The following BABAM2 variants were observed in gnomAD, a reference collection of about 807,000 sequenced individuals.
The protein encoded by BABAM2 is BRISC and BRCA1 A complex member 2.
Under a neutral mutation model 54.7 loss-of-function variants are expected in BABAM2, and 31 were observed. The observed-to-expected ratio is 0.57, with a 90% CI of 0.43 to 0.77. The LOEUF (loss-of-function observed/expected upper bound fraction) is 0.77, where lower values mean the gene tolerates loss of function less well. BABAM2 is among the 30% of genes least tolerant of loss of function. BABAM2 has a pLI of 0.00. For synonymous variants in BABAM2, 167 were observed against 162.9 expected (o/e 1.03, Z -0.19); for missense variants, 364 against 455.8 (o/e 0.80, Z 1.83).
chr2:28,170,790 T>A (rs894881579), intron 7 of BABAM2, among the ~76,000 whole-genome samples: 1 of 152,178 alleles, frequency 6.6e-6, no homozygotes, highest in Non-Finnish European at 1.5e-5. Context: ...GAAGCTAGAA[T>A]GGAAAAGAAT....
chr2:27,986,234 G>A (rs1672388786), intron 3 of BABAM2, among the ~76,000 whole-genome samples: 1 of 152,148 alleles, frequency 6.6e-6, no homozygotes, highest in African/African-American at 2.4e-5. Context: ...AGCACATTAA[G>A]AATATTTACT....
In BABAM2 at chr2:27,992,298, C is replaced by T. The variant is rs114110146; in HGVS notation, c.300+4211C>T. On this transcript the variant is annotated intron_variant, in intron 4 of 11. Coordinates refer to ENST00000379624, the MANE Select transcript of BABAM2 (RefSeq NM_199191.3). ...AAAATAAACAAAAGACAAAGAGTCA[C>T]ATCCATTAGTATTTATTGCTTGTAT... 6.4e-3 allele frequency among the ~76,000 whole-genome samples: 968 copies of T among 152,266 alleles called. 6 individuals are homozygous for T. Among genetic ancestry groups the T allele is most frequent in the Non-Finnish European group, 7.9e-3 (534 of 68,020 alleles).
chr2:28,322,643 CA>C lies in BABAM2; in HGVS notation c.1089-15805del, dbSNP rs1690116455. Among the ~76,000 whole-genome samples the C allele has an allele frequency of 2.0e-5, 3 of 152,214 alleles. No individual in the cohort carries two copies. Among genetic ancestry groups the C allele is most frequent in the Admixed American group, 6.5e-5 (1 of 15,294 alleles). On this transcript the variant is annotated intron_variant, in intron 11 of 11. Coordinates refer to ENST00000379624, the MANE Select transcript of BABAM2 (RefSeq NM_199191.3). The surrounding 1 kb of genome is among the most constrained non-coding windows in gnomAD (Gnocchi z 4.1). ...GTGTTGTGGAGCTTCAGAGGCAGGA[CA>C]AGCAGTCATGGGCTGTGGTTGGCGG...
chr2:28,295,876 G>A (rs1687651079), intron 10 of BABAM2, among the ~76,000 whole-genome samples: 2 of 152,138 alleles, frequency 1.3e-5, no homozygotes, highest in African/African-American at 2.4e-5. Context: ...GGGAGGCCAA[G>A]GTGGGTGGAT....
chr2:27,933,773 T>TG (rs1371730889), intron 3 of BABAM2, among the ~76,000 whole-genome samples: 1 of 147,466 alleles, frequency 6.8e-6, no homozygotes, highest in Admixed American at 6.8e-5. Context: ...TGTTTTTTTT[T>TG]TTTTTTTTTT....
At chr2:28,112,600 G>T (rs56066346) in intron 6 of BABAM2, among the ~76,000 whole-genome samples, 16,947 of 151,946 alleles carry the variant, frequency 0.11, 1,486 homozygotes, top group African/African-American at 0.24. Flanking sequence ...CTTTTTCCAG[G>T]CTATCATTGA....
rs147370494 is a variant in BABAM2 at position 27,989,379 on chromosome 2, T to G, written c.300+1292T>G. On this transcript the variant is annotated intron_variant, in intron 4 of 11. Transcript: ENST00000379624. ...GAGACTTGTACTCATTCTTGAAGAA[T>G]GGAACAAAAGTGGGAGGTATGACAA... 3.3e-3 allele frequency among the ~76,000 whole-genome samples: 504 copies of G among 152,142 alleles called. 2 individuals are homozygous for G. Among genetic ancestry groups the G allele is most frequent in the African/African-American group, 0.012 (478 of 41,506 alleles).
intron 7 of BABAM2, among the ~76,000 whole-genome samples, chr2:28,216,270 TGTC>T (rs1482936839): frequency 3.9e-5 from 6 of 152,196 alleles, no homozygotes; most frequent in Admixed American, 3.9e-4. Flanking sequence ...TTTCATGTGT[TGTC>T]CTAAGAACCT....
At chr2:27,993,628 G>A (rs1377857977) in intron 4 of BABAM2, among the ~76,000 whole-genome samples, 1 of 152,154 alleles carries the variant, frequency 6.6e-6, no homozygotes, top group Non-Finnish European at 1.5e-5. Context: ...AATGAGAAAA[G>A]CATGTTGCAA....
chr2:28,274,020 C>G (rs1685661026), intron 10 of BABAM2, among the ~76,000 whole-genome samples: 1 of 152,328 alleles, frequency 6.6e-6, no homozygotes, highest in East Asian at 1.9e-4. Flanking sequence ...TGCCTTCACC[C>G]TTGCTTATAA....
chr2:28,327,364 C>T (rs1482376276), intron 11 of BABAM2: 1 of 1,613,698 alleles, frequency 6.2e-7, no homozygotes, highest in African/African-American at 1.3e-5. Context: ...TGCTCCAGCC[C>T]CAGAGGAACT....
chr2:28,044,279 G>C (rs1043284717), intron 5 of BABAM2, among the ~76,000 whole-genome samples: 3 of 152,126 alleles, frequency 2.0e-5, no homozygotes, highest in Non-Finnish European at 2.9e-5. Context: ...GCCGAGGCTG[G>C]AGTGCAATGG....
chr2:27,968,958 G>A (rs2148446445), intron 3 of BABAM2, among the ~76,000 whole-genome samples: 1 of 152,248 alleles, frequency 6.6e-6, no homozygotes, highest in East Asian at 1.9e-4. Flanking sequence ...GGTCAGGGGT[G>A]GAATGATATG....
At chr2:28,240,870 C>CAAAAA (rs56247120) in intron 8 of BABAM2, among the ~76,000 whole-genome samples, 2 of 109,174 alleles carry the variant, frequency 1.8e-5, no homozygotes, top group African/African-American at 6.6e-5. Flanking sequence ...GACTCTGTCT[C>CAAAAA]AAAAAAAAAA....
rs1450942906 is a variant in BABAM2, at chr2:27,995,684, A to C, written c.300+7597A>C. Among the ~76,000 whole-genome samples, 1 of 152,040 alleles carries C rather than the reference A, an allele frequency of 6.6e-6. No individual in the cohort carries two copies. The highest frequency in any genetic ancestry group is 1.5e-5 in the Non-Finnish European group (1 of 68,008). On this transcript the variant is annotated intron_variant, in intron 4 of 11. Coordinates refer to ENST00000379624, the MANE Select transcript of BABAM2 (RefSeq NM_199191.3). The surrounding 1 kb of genome is among the most constrained non-coding windows in gnomAD (Gnocchi z 4.1). Reference sequence around the variant, plus strand: ...AAGCTCCGCCTCCCGGGTTCACGCCATTCTCCTGCCTCAGCCTCCCGAGTA... The same window carrying C: ...AAGCTCCGCCTCCCGGGTTCACGCCCTTCTCCTGCCTCAGCCTCCCGAGTA...
intron 6 of BABAM2, among the ~76,000 whole-genome samples, chr2:28,046,919 C>A (rs922191980): frequency 3.3e-5 from 5 of 151,802 alleles, no homozygotes; most frequent in Admixed American, 6.6e-5. Context: ...CAGGCGTGCA[C>A]CACTGTGCCA....
chr2:28,009,635 T>C (rs1674247480), intron 4 of BABAM2, among the ~76,000 whole-genome samples: 1 of 152,078 alleles, frequency 6.6e-6, no homozygotes, highest in Non-Finnish European at 1.5e-5. Flanking sequence ...TATTTAAGTT[T>C]ACTTTGAGAG....
Position 28,109,184 on chromosome 2 carries a change from C to CTTTTT in BABAM2, c.571-20069_571-20065dup, listed in dbSNP as rs764380110. Among the ~76,000 whole-genome samples, 60 of 101,912 alleles carry CTTTTT rather than the reference C, an allele frequency of 5.9e-4. 1 individual carries two copies. The highest frequency in any genetic ancestry group is 1.2e-3 in the African/African-American group (32 of 27,026). 66.9% of individuals were successfully genotyped at this position (101,912 alleles called of 152,430 possible). A position where few individuals can be genotyped will look rare whatever the true frequency, so the allele number is the denominator to read the frequency against. ...CTTTGCTGCTCTAAAGACACATACT[C>CTTTTT]TTTTTTTTTTTTTTTTTTTTTTGAG... On this transcript the variant is annotated intron_variant, in intron 6 of 11. Transcript: ENST00000379624.
chr2:27,945,788 A>G (rs963187683), intron 3 of BABAM2, among the ~76,000 whole-genome samples: 1 of 151,568 alleles, frequency 6.6e-6, no homozygotes, highest in South Asian at 2.1e-4. Flanking sequence ...ATGCCAATTT[A>G]TAGTAGTGTG....
Sources: allele counts gnomAD v4.1 joint callset (sites outside exome capture counted in the v4.1 genomes callset), GRCh38; gene constraint gnomAD v4.1.1; non-coding constraint Gnocchi (gnomAD v3.1); transcripts MANE v1.5; gene names NCBI Gene and HGNC (gene_info 2026-07-23, HGNC 2026-07-21).